Variants in CACNB2 observed in about 807,000 individuals in gnomAD.
The protein encoded by CACNB2 is calcium voltage-gated channel auxiliary subunit beta 2.
Under a neutral mutation model 73.3 loss-of-function variants are expected in CACNB2, and 42 were observed. The observed-to-expected ratio is 0.57, with a 90% confidence interval of 0.45 to 0.74. The LOEUF (loss-of-function observed/expected upper bound fraction) is 0.74. Ranked by LOEUF, CACNB2 falls within the 30% of genes least tolerant of loss-of-function variation. The pLI, the probability that CACNB2 is intolerant of heterozygous loss-of-function variation, is 0.00. For missense variants in CACNB2, 940 were observed against 853.0 expected (o/e 1.10, Z -1.27); for synonymous variants, 348 against 310.3 (o/e 1.12, Z -1.28).
At chr10:18,468,888 C>T (rs1249676683) in intron 3 of CACNB2, among the ~76,000 whole-genome samples, 1 of 152,190 alleles carries the variant, frequency 6.6e-6, no homozygotes, top group Non-Finnish European at 1.5e-5. Context: ...CATGAGCCAC[C>T]ATGCCTGGCC....
intron 2 of CACNB2, among the ~76,000 whole-genome samples, chr10:18,226,600 A>G (rs755598094): frequency 4.6e-5 from 7 of 152,206 alleles, no homozygotes; most frequent in African/African-American, 1.4e-4. Flanking sequence ...ATCTGCCGGC[A>G]CTTCTTGAGA....
intron 3 of CACNB2, among the ~76,000 whole-genome samples, chr10:18,407,838 C>A (rs2044378643): frequency 6.6e-6 from 1 of 152,074 alleles, no homozygotes; most frequent in African/African-American, 2.4e-5. Flanking sequence ...TGTTTTTATT[C>A]CATAGCCATA....
chr10:18,250,281 C>A (rs753355196), intron 2 of CACNB2, among the ~76,000 whole-genome samples: 4 of 152,192 alleles, frequency 2.6e-5, no homozygotes, highest in African/African-American at 4.8e-5. Context: ...GGCTTTCCTC[C>A]CAATTAGAAG....
chr10:18,250,697 C>G (rs1022874003), intron 2 of CACNB2, among the ~76,000 whole-genome samples: 6 of 152,190 alleles, frequency 3.9e-5, no homozygotes, highest in African/African-American at 1.4e-4. Flanking sequence ...TCAAGACCAT[C>G]GCAAACTGAT....
intron 2 of CACNB2, chr10:18,224,351 A>T (rs1441502169): frequency 1.3e-5 from 2 of 150,938 alleles, no homozygotes; most frequent in African/African-American, 2.4e-5. Flanking sequence ...AAAAAAAAAA[A>T]TTCCAATTTC....
At chr10:18,246,693 G>A (rs534510799) in intron 2 of CACNB2, among the ~76,000 whole-genome samples, 9 of 152,208 alleles carry the variant, frequency 5.9e-5, no homozygotes, top group East Asian at 5.8e-4. Flanking sequence ...TGATCCTCCC[G>A]CCTCAGCCTC....
chr10:18,335,784 AAC>A (rs10545839), intron 2 of CACNB2, among the ~76,000 whole-genome samples: 15,590 of 143,872 alleles, frequency 0.11, 1,012 homozygotes, highest in South Asian at 0.2. Flanking sequence ...ACAGCAAGAA[AAC>A]ACACACACAC....
intron 3 of CACNB2, among the ~76,000 whole-genome samples, chr10:18,417,005 C>A (rs2045007855): frequency 1.4e-5 from 2 of 145,682 alleles, no homozygotes; most frequent in Admixed American, 6.9e-5. Context: ...TTTAGAAAGA[C>A]ACAGGCTTAT....
At chr10:18,403,993 C>T (rs758529911) in intron 3 of CACNB2, among the ~76,000 whole-genome samples, 25 of 151,964 alleles carry the variant, frequency 1.6e-4, no homozygotes, top group Middle Eastern at 3.4e-3. Flanking sequence ...TTGGACTGTT[C>T]GTAGCTCACA....
intron 2 of CACNB2, among the ~76,000 whole-genome samples, chr10:18,152,740 C>A (rs71486229): frequency 0.27 from 24,467 of 90,400 alleles, 3,134 homozygotes; most frequent in African/African-American, 0.36. Flanking sequence ...AAACAAAAAA[C>A]AAAACACTAG....
intron 2 of CACNB2, among the ~76,000 whole-genome samples, chr10:18,317,243 T>A (rs560822043): frequency 4.5e-4 from 68 of 152,144 alleles, no homozygotes; most frequent in South Asian, 1.0e-3. Flanking sequence ...TTTTTTTTTT[T>A]AAATCTTTTT....
At chr10:18,382,574 G>T (rs763827844) in intron 2 of CACNB2, among the ~76,000 whole-genome samples, 3 of 152,110 alleles carry the variant, frequency 2.0e-5, no homozygotes, top group South Asian at 4.2e-4. Context: ...AGTGTGCGTT[G>T]TTCCCCTCCC....
intron 2 of CACNB2, among the ~76,000 whole-genome samples, chr10:18,376,318 A>G (rs749658799): frequency 3.3e-5 from 5 of 152,126 alleles, no homozygotes; most frequent in Non-Finnish European, 5.9e-5. Flanking sequence ...ATTCATGGAG[A>G]TAGAGAGTAG....
chr10:18,495,545 C>CTG (rs59858946), intron 3 of CACNB2, among the ~76,000 whole-genome samples: 4,820 of 124,622 alleles, frequency 0.039, 98 homozygotes, highest in South Asian at 0.055. Context: ...AGTATAAAAA[C>CTG]TGTGTGTGTG....
intron 2 of CACNB2, among the ~76,000 whole-genome samples, chr10:18,320,586 T>C (rs1272052939): frequency 6.6e-6 from 1 of 152,218 alleles, no homozygotes; most frequent in East Asian, 1.9e-4. Flanking sequence ...ATCCCAGCCC[T>C]GCCACTTACT....
chr10:18,335,953 A>C (rs747450291), intron 2 of CACNB2, among the ~76,000 whole-genome samples: 1 of 152,206 alleles, frequency 6.6e-6, no homozygotes, highest in Non-Finnish European at 1.5e-5. Flanking sequence ...TGGTTACCCA[A>C]AATCATTATT....
rs2053795027 is a variant in CACNB2 at position 18,538,177 on chromosome 10, C to T, written c.1303-3C>T. The T allele has an allele frequency of 3.1e-6, 5 of 1,613,946 alleles. No individual in the cohort carries two copies. In the East Asian group the frequency reaches 6.7e-5, roughly 22 times the overall value. On this transcript the variant is annotated splice_polypyrimidine_tract_variant and splice_region_variant and intron_variant, in intron 12 of 13. Transcript: ENST00000324631. ...ATGTGGTCTGGAATGTCTGCCTCTGCAGGAGCTGTTCGATGTGATCTTGGA... is the reference window on the plus strand; with the variant it reads ...ATGTGGTCTGGAATGTCTGCCTCTGTAGGAGCTGTTCGATGTGATCTTGGA...
intron 2 of CACNB2, among the ~76,000 whole-genome samples, chr10:18,207,217 C>G (rs2131336121): frequency 6.6e-6 from 1 of 152,228 alleles, no homozygotes; most frequent in South Asian, 2.1e-4. Flanking sequence ...CCATGTTGGC[C>G]AAGCTGGTCT....
intron 2 of CACNB2, among the ~76,000 whole-genome samples, chr10:18,374,238 A>G (rs1386497313): frequency 6.6e-6 from 1 of 152,254 alleles, no homozygotes; most frequent in East Asian, 1.9e-4. Flanking sequence ...TTTCCAGAAC[A>G]GGGAAGGCTT....
Sources: allele counts gnomAD v4.1 joint callset (sites outside exome capture counted in the v4.1 genomes callset), GRCh38; gene constraint gnomAD v4.1.1; transcripts MANE v1.5; gene names NCBI Gene and HGNC (gene_info 2026-07-23, HGNC 2026-07-21).